The following OXR1 variants were observed in gnomAD, a reference collection of about 807,000 sequenced individuals.
The protein encoded by OXR1 is oxidation resistance 1, also known as oxidation resistance protein 1.
Under a neutral mutation model 104.6 loss-of-function variants are expected in OXR1, and 41 were observed. The ratio of observed to expected loss-of-function variants is 0.39; its 90% CI spans 0.31 to 0.51. The LOEUF (loss-of-function observed/expected upper bound fraction) is 0.51. Ranked by LOEUF, OXR1 falls within the 20% of genes least tolerant of loss-of-function variation. The pLI is 0.77. For synonymous variants in OXR1, 348 were observed against 348.4 expected, an observed-to-expected ratio of 1.00 and a Z score of 0.01; for missense variants, 955 against 1,031.9, an observed-to-expected ratio of 0.93 and a Z score of 1.02.
At chr8:106,742,081 T>C in intron 14 of OXR1, 141 bp from the exon 15 acceptor site, 1 of 576,156 alleles carries the variant, frequency 1.7e-6, no homozygotes, top group Non-Finnish European at 3.1e-6. Context: ...CAGCTAACCA[T>C]TTTTCCCTTT....
chr8:106,361,800 G>A (rs894415495), intron 2 of OXR1, among the ~76,000 whole-genome samples: 3 of 152,070 alleles, frequency 2.0e-5, no homozygotes, highest in Admixed American at 6.6e-5. Flanking sequence ...TGAAAATATT[G>A]ACTGATATGG....
At chr8:106,609,771 T>C (rs1820673559) in intron 3 of OXR1, among the ~76,000 whole-genome samples, 1 of 151,886 alleles carries the variant, frequency 6.6e-6, no homozygotes, top group Admixed American at 6.6e-5. Context: ...TATTTAGAGG[T>C]AAAGGGCTAT....
At chr8:106,475,124 C>T (rs1009402911) in intron 2 of OXR1, among the ~76,000 whole-genome samples, 4 of 151,830 alleles carry the variant, frequency 2.6e-5, no homozygotes, top group South Asian at 4.1e-4. Flanking sequence ...TAGGAGTTAG[C>T]GGTGCCAATC....
intron 1 of OXR1, among the ~76,000 whole-genome samples, chr8:106,280,964 A>T (rs1464783072): frequency 6.6e-6 from 1 of 152,116 alleles, no homozygotes; most frequent in Non-Finnish European, 1.5e-5. Context: ...TTGACCAGAG[A>T]AAGCCCCCTT....
intron 3 of OXR1, among the ~76,000 whole-genome samples, chr8:106,556,291 G>A (rs1243327088): frequency 6.6e-6 from 1 of 152,102 alleles, no homozygotes; most frequent in East Asian, 1.9e-4. Flanking sequence ...ATAATTTTAT[G>A]TTATGCACAT....
intron 1 of OXR1, among the ~76,000 whole-genome samples, chr8:106,297,739 T>A (rs1021480036): frequency 2.0e-5 from 3 of 152,242 alleles, no homozygotes; most frequent in African/African-American, 7.2e-5. Context: ...CCAAATAGTT[T>A]CTTATTTCTA....
At chr8:106,404,124 G>A (rs1382631718) in intron 2 of OXR1, among the ~76,000 whole-genome samples, 1 of 152,076 alleles carries the variant, frequency 6.6e-6, no homozygotes, top group South Asian at 2.1e-4. Context: ...AGGTTGTTGG[G>A]GGACAAATCA....
At chr8:106,525,479 A>G (rs1346388593) in intron 3 of OXR1, among the ~76,000 whole-genome samples, 1 of 152,230 alleles carries the variant, frequency 6.6e-6, no homozygotes, top group Non-Finnish European at 1.5e-5. Context: ...TTCTGTCTGT[A>G]GTCCATTAGA....
intron 2 of OXR1, among the ~76,000 whole-genome samples, chr8:106,378,973 A>T (rs1377765134): frequency 6.6e-6 from 1 of 152,192 alleles, no homozygotes; most frequent in East Asian, 1.9e-4. Flanking sequence ...AATCTGCCAT[A>T]TGCCTTATAT....
chr8:106,464,809 G>A (rs7817974), intron 2 of OXR1, among the ~76,000 whole-genome samples: 38,258 of 151,864 alleles, frequency 0.25, 6,857 homozygotes, highest in African/African-American at 0.5. Context: ...GCTTCATTAC[G>A]CAATAACCAT....
chr8:106,720,346 T>C (rs772467482), intron 11 of OXR1, among the ~76,000 whole-genome samples: 3 of 152,136 alleles, frequency 2.0e-5, no homozygotes, highest in African/African-American at 4.8e-5. Flanking sequence ...GGTAGTTACA[T>C]TGTGCAGTCA....
At chr8:106,326,499 G>A (rs1378802154) in intron 1 of OXR1, among the ~76,000 whole-genome samples, 1 of 152,208 alleles carries the variant, frequency 6.6e-6, no homozygotes, top group East Asian at 1.9e-4. Flanking sequence ...AAAGAATAAA[G>A]TAACCAGTTG....
intron 1 of OXR1, chr8:106,272,862 C>G (rs560161411): frequency 6.6e-6 from 1 of 152,154 alleles, no homozygotes; most frequent in East Asian, 1.9e-4. Context: ...CCATTCTGTT[C>G]TGCACAGAAT....
intron 3 of OXR1, among the ~76,000 whole-genome samples, chr8:106,549,209 C>T (rs533763974): frequency 6.6e-6 from 1 of 152,098 alleles, no homozygotes; most frequent in East Asian, 1.9e-4. Context: ...AACCCCCAGG[C>T]CCCCTTGTAT....
At chr8:106,539,868 T>C (rs752023794) in intron 3 of OXR1, among the ~76,000 whole-genome samples, 13 of 152,122 alleles carry the variant, frequency 8.5e-5, no homozygotes, top group African/African-American at 2.9e-4. Context: ...CTTTGACTCA[T>C]AGAGAAAAGA....
At chr8:106,282,875 T>G (rs1033170109) in intron 1 of OXR1, among the ~76,000 whole-genome samples, 2 of 152,200 alleles carry the variant, frequency 1.3e-5, no homozygotes, top group Non-Finnish European at 2.9e-5. Context: ...TGTCAGAAAT[T>G]CATTCTTTTA....
At chr8:106,359,747 G>A (rs190817740) in intron 2 of OXR1, 111 bp downstream of exon 2, 16 of 784,984 alleles carry the variant, frequency 2.0e-5, no homozygotes, top group Admixed American at 1.9e-4. Flanking sequence ...TTAAAAATCT[G>A]GTTTCCAAAG....
At chr8:106,305,578 G>A (rs1813433292) in intron 1 of OXR1, among the ~76,000 whole-genome samples, 1 of 152,124 alleles carries the variant, frequency 6.6e-6, no homozygotes, top group Admixed American at 6.5e-5. Context: ...TTATTTAGCT[G>A]TGTGGATGGA....
chr8:106,506,946 G>A lies in OXR1; in HGVS notation c.24-11997G>A, dbSNP rs1210967178. Among the ~76,000 whole-genome samples, 6 of 151,666 alleles carry A rather than the reference G, an allele frequency of 4.0e-5. No individual in the cohort carries two copies. The East Asian group carries it at 9.7e-4, about 25-fold the overall frequency. On this transcript the variant is annotated intron_variant, in intron 2 of 16. Coordinates refer to ENST00000517566, the MANE Select transcript of OXR1 (RefSeq NM_001198533.2). The stretch of plus-strand genomic sequence containing the variant: ...TGTCTTCCAGAAAAAAAAAAAAGTT[G>A]GGCACAGTGGTGTGCCCCTGTAGTC...
Sources: gnomAD v4.1 joint callset for allele counts (sites outside exome capture counted in the v4.1 genomes callset) on GRCh38, gnomAD v4.1.1 for gene constraint, MANE v1.5 for transcripts, NCBI Gene and HGNC (gene_info 2026-07-23, HGNC 2026-07-21) for gene names.